Variants in VPS13B observed in about 807,000 individuals in gnomAD.
VPS13B encodes intermembrane lipid transfer protein VPS13B.
VPS13B carries 285 observed loss-of-function variants against 426.4 expected under a neutral mutation model. The observed-to-expected ratio is 0.67, with a 90% CI of 0.61 to 0.74. The LOEUF (loss-of-function observed/expected upper bound fraction) is 0.74, where lower values mean the gene tolerates loss of function less well. Among genes scored for constraint, VPS13B ranks in the 30% least tolerant of loss-of-function variants. The pLI is 0.00. For missense variants in VPS13B, 4,537 were observed against 4,782.6 expected (o/e 0.95, Z 1.51); for synonymous variants, 1,676 against 1,676.4 (o/e 1.00, Z 0.01).
intron 30 of VPS13B, among the ~76,000 whole-genome samples, chr8:99,525,292 CAG>C (rs1378309022): frequency 6.6e-6 from 1 of 152,122 alleles, no homozygotes. Context: ...AGTTCAAGCA[CAG>C]AGTTTTTATT....
At chr8:99,341,684 G>A (rs1010621347) in intron 19 of VPS13B, 18 of 350,676 alleles carry the variant, frequency 5.1e-5, no homozygotes, top group African/African-American at 3.0e-4. Context: ...CACAGCTTCC[G>A]TTCCAACTAT....
At chr8:99,117,771 C>T (rs1847745248) in intron 7 of VPS13B, among the ~76,000 whole-genome samples, 1 of 151,924 alleles carries the variant, frequency 6.6e-6, no homozygotes, top group Non-Finnish European at 1.5e-5. Context: ...AGATTAGTAA[C>T]CAGGAGTTGC....
intron 3 of VPS13B, among the ~76,000 whole-genome samples, chr8:99,059,157 GAGA>G (rs1418323464): frequency 6.6e-6 from 1 of 152,136 alleles, no homozygotes; most frequent in African/African-American, 2.4e-5. Context: ...GTCTTTTTGA[GAGA>G]AGGTCTCACT....
At chr8:99,101,429 G>A (rs1022974787) in intron 4 of VPS13B, among the ~76,000 whole-genome samples, 11 of 152,290 alleles carry the variant, frequency 7.2e-5, no homozygotes, top group African/African-American at 2.4e-4. Context: ...ACCGTGCTTG[G>A]CCCCATTTTT....
Position 99,819,535 on chromosome 8 carries a change from A to G in VPS13B, c.8745A>G (p.Glu2915=). ...NQILDEFYGP[E]KSLQPIWPYN... is the part of the protein sequence containing the mutation. ...TCCTTGACGAATTCTATGGGCCAGAAAAGTCGCTTCAACCCATATGGCCCT... is the reference window on the plus strand; with the variant it reads ...TCCTTGACGAATTCTATGGGCCAGAGAAGTCGCTTCAACCCATATGGCCCT... Residue 2915 remains glutamate (E), a synonymous_variant, in exon 48 of 62, where the codon GAA becomes GAG. Coordinates refer to ENST00000357162, the MANE Select transcript of VPS13B (RefSeq NM_152564.5). 6.2e-7 allele frequency: 1 copy of G among 1,613,864 alleles called. No homozygotes were observed. Among genetic ancestry groups the G allele is most frequent in the Admixed American group, 1.7e-5 (1 of 59,990 alleles).
intron 3 of VPS13B, among the ~76,000 whole-genome samples, chr8:99,073,040 T>A (rs1314026469): frequency 6.6e-6 from 1 of 152,148 alleles, no homozygotes. Context: ...GCCTGTAGGT[T>A]TGTTCTTTTT....
chr8:99,601,436 T>A (rs1161235126), intron 33 of VPS13B, among the ~76,000 whole-genome samples: 1 of 152,236 alleles, frequency 6.6e-6, no homozygotes, highest in Non-Finnish European at 1.5e-5. Context: ...TCTTTGCTAT[T>A]GTGAATAGTG....
At chr8:99,496,532 T>C (rs571711826) in intron 25 of VPS13B, among the ~76,000 whole-genome samples, 12 of 152,178 alleles carry the variant, frequency 7.9e-5, no homozygotes, top group Non-Finnish European at 1.6e-4. Flanking sequence ...GCACCTGTAG[T>C]CCCAGCTACT....
chr8:99,365,085 C>G (rs983617021), intron 19 of VPS13B, among the ~76,000 whole-genome samples: 2 of 150,416 alleles, frequency 1.3e-5, no homozygotes, highest in African/African-American at 4.9e-5. Context: ...ATAGTAGCCA[C>G]TAATGATCCT....
chr8:99,303,274 A>AAAAT (rs1820464973), intron 19 of VPS13B, among the ~76,000 whole-genome samples: 1 of 149,850 alleles, frequency 6.7e-6, no homozygotes, highest in Non-Finnish European at 1.5e-5. Context: ...AAAAAAAAAA[A>AAAAT]AAAAAGGAAA....
At chr8:99,435,832 G>A (rs1015844623) in intron 22 of VPS13B, among the ~76,000 whole-genome samples, 2 of 152,132 alleles carry the variant, frequency 1.3e-5, no homozygotes, top group African/African-American at 2.4e-5. Context: ...GGGGCAAATA[G>A]GGATTTTGAA....
intron 21 of VPS13B, 121 bp from the exon 22 acceptor site, chr8:99,431,416 A>G: frequency 8.0e-7 from 1 of 1,254,778 alleles, no homozygotes; most frequent in Non-Finnish European, 1.1e-6. Context: ...GACAATTCAT[A>G]ATCTCATATA....
At chr8:99,577,057 A>G (rs1286857164) in intron 32 of VPS13B, among the ~76,000 whole-genome samples, 1 of 152,102 alleles carries the variant, frequency 6.6e-6, no homozygotes, top group Non-Finnish European at 1.5e-5. Context: ...CAAGGCCGAC[A>G]TTATTCTTTG....
At chr8:99,212,101 C>T (rs916877647) in intron 17 of VPS13B, among the ~76,000 whole-genome samples, 4 of 152,078 alleles carry the variant, frequency 2.6e-5, no homozygotes, top group African/African-American at 9.7e-5. Flanking sequence ...CCATGTTGGC[C>T]AGGCTGCTCT....
intron 20 of VPS13B, among the ~76,000 whole-genome samples, chr8:99,387,844 C>T (rs1259674208): frequency 4.6e-5 from 7 of 152,028 alleles, no homozygotes; most frequent in Non-Finnish European, 1.0e-4. Context: ...TTGTCAGTAT[C>T]TAATAAAATT....
chr8:99,158,894 G>A (rs531235017), intron 15 of VPS13B, among the ~76,000 whole-genome samples: 44 of 152,188 alleles, frequency 2.9e-4, no homozygotes, highest in African/African-American at 1.1e-3. Flanking sequence ...TTGACTCTGG[G>A]GTCTTATTAT....
intron 33 of VPS13B, among the ~76,000 whole-genome samples, chr8:99,610,529 T>C (rs960319056): frequency 6.6e-5 from 10 of 150,846 alleles, no homozygotes; most frequent in African/African-American, 2.4e-4. Context: ...TAAGTGGGAG[T>C]TGAACAATGA....
At chr8:99,321,051 A>G (rs565868282) in intron 19 of VPS13B, among the ~76,000 whole-genome samples, 14 of 152,178 alleles carry the variant, frequency 9.2e-5, no homozygotes, top group Non-Finnish European at 1.5e-4. Flanking sequence ...AAAAGTAACT[A>G]TTGTCAGTTA....
chr8:99,675,234 G>C (rs1830883421), intron 35 of VPS13B, among the ~76,000 whole-genome samples: 1 of 152,100 alleles, frequency 6.6e-6, no homozygotes, highest in Admixed American at 6.5e-5. Flanking sequence ...TAGTTAATTA[G>C]TTTGTTTTCC....
Sources: gnomAD v4.1 joint callset for allele counts (sites outside exome capture counted in the v4.1 genomes callset) on GRCh38, gnomAD v4.1.1 for gene constraint, MANE v1.5 for transcripts, NCBI Gene and HGNC (gene_info 2026-07-23, HGNC 2026-07-21) for gene names.